VEGFC: variants seen among roughly 807,000 people sequenced by gnomAD.
VEGFC encodes vascular endothelial growth factor C, also known as FLT4 ligand DHM.
In VEGFC, 12 loss-of-function variants were observed where a neutral mutation model predicts 46.1. The observed-to-expected ratio is 0.26, with a 90% CI of 0.17 to 0.42. The LOEUF is 0.42. Among genes scored for constraint, VEGFC ranks in the 10% least tolerant of loss-of-function variants. The probability of loss-of-function intolerance (pLI) is 1.00; values close to 1 mark genes in which losing one functional copy is unlikely to be tolerated. For missense variants in VEGFC, 488 were observed against 529.4 expected, an observed-to-expected ratio of 0.92 and a Z score of 0.77; for synonymous variants, 232 against 195.5, an observed-to-expected ratio of 1.19 and a Z score of -1.56.
At chr4:176,727,989 C>A (rs750011101) in intron 2 of VEGFC, 21 bp from the exon 3 acceptor site, 6 of 1,556,136 alleles carry the variant, frequency 3.9e-6, no homozygotes, top group Non-Finnish European at 4.4e-6. Context: ...ATAGGGAAAT[C>A]AGTAAGTTTT....
At position 176,687,191 on chromosome 4, in the gene VEGFC, A is replaced by T; in HGVS notation, c.1141T>A (p.Cys381Ser). 6.2e-7 allele frequency: 1 copy of T among 1,609,950 alleles called. No individual in the cohort carries two copies. Among genetic ancestry groups the T allele is most frequent in the Non-Finnish European group, 8.5e-7 (1 of 1,178,438 alleles). The stretch of plus-strand genomic sequence containing the variant: ...TTCTTCATGAGGATCTCTTACCTGC[A>T]TGTTTGGTGGTGGAACTTCTTTCCT... ...LKGKKFHHQT[C>S]SCYRRPCTNR... is the part of the protein sequence containing the mutation. Residue 381 changes from cysteine to serine, a missense_variant, in exon 6 of 7, where the codon TGC becomes AGC. Coordinates refer to ENST00000618562, the MANE Select transcript of VEGFC (RefSeq NM_005429.5).
chr4:176,698,947 T>C (rs1214575062), intron 4 of VEGFC, among the ~76,000 whole-genome samples: 1 of 152,202 alleles, frequency 6.6e-6, no homozygotes, highest in Non-Finnish European at 1.5e-5. Context: ...TTAAACTACT[T>C]ATTGATTTAC....
At chr4:176,685,490 CAG>C (rs1057012725) in intron 6 of VEGFC, among the ~76,000 whole-genome samples, 12 of 152,102 alleles carry the variant, frequency 7.9e-5, no homozygotes, top group East Asian at 3.9e-4. Flanking sequence ...TTGCAGTAAA[CAG>C]AGTCTTTTTG....
intron 1 of VEGFC, among the ~76,000 whole-genome samples, chr4:176,755,890 C>T (rs1028951749): frequency 6.6e-6 from 1 of 152,062 alleles, no homozygotes; most frequent in African/African-American, 2.4e-5. Context: ...TACTGTAATG[C>T]ATTGTCAACG....
chr4:176,791,320 C>T (rs903789595), intron 1 of VEGFC, among the ~76,000 whole-genome samples: 1 of 151,974 alleles, frequency 6.6e-6, no homozygotes, highest in African/African-American at 2.4e-5. Flanking sequence ...CAGGTATGAA[C>T]TTTTTAGATA....
At chr4:176,724,771 C>T (rs898410885) in intron 3 of VEGFC, among the ~76,000 whole-genome samples, 12 of 152,102 alleles carry the variant, frequency 7.9e-5, no homozygotes, top group African/African-American at 2.9e-4. Flanking sequence ...TTAGATGATG[C>T]TGAACAGGGG....
intron 4 of VEGFC, among the ~76,000 whole-genome samples, chr4:176,707,570 A>G (rs138645488): frequency 6.6e-6 from 1 of 152,306 alleles, no homozygotes; most frequent in African/African-American, 2.4e-5. Flanking sequence ...TCATAAAGGG[A>G]GTAAAATCAT....
At chr4:176,766,464 G>A (rs1735623752) in intron 1 of VEGFC, among the ~76,000 whole-genome samples, 1 of 152,068 alleles carries the variant, frequency 6.6e-6, no homozygotes, top group African/African-American at 2.4e-5. Flanking sequence ...GTGAGTACCT[G>A]TAGTCCCAGG....
intron 1 of VEGFC, among the ~76,000 whole-genome samples, chr4:176,772,036 A>C (rs2110928744): frequency 6.6e-6 from 1 of 152,328 alleles, no homozygotes; most frequent in Non-Finnish European, 1.5e-5. Context: ...TGGCTGCAGA[A>C]AGCCCTATTA....
intron 3 of VEGFC, among the ~76,000 whole-genome samples, chr4:176,717,982 C>T (rs73007565): frequency 0.019 from 2,889 of 152,146 alleles, 87 homozygotes; most frequent in African/African-American, 0.065. Context: ...TTAATTTTAA[C>T]ATATTGTTAT....
intron 3 of VEGFC, among the ~76,000 whole-genome samples, chr4:176,725,370 C>A (rs905774002): frequency 6.6e-6 from 1 of 152,104 alleles, no homozygotes; most frequent in South Asian, 2.1e-4. Context: ...GTGGTGCAAT[C>A]CTAGCACACT....
At chr4:176,704,784 C>T (rs1734496942) in intron 4 of VEGFC, among the ~76,000 whole-genome samples, 1 of 152,160 alleles carries the variant, frequency 6.6e-6, no homozygotes, top group South Asian at 2.1e-4. Context: ...AACAGCCCAT[C>T]CTTGGCTGGG....
At chr4:176,744,385 CA>C (rs1221670682) in intron 1 of VEGFC, among the ~76,000 whole-genome samples, 1 of 151,958 alleles carries the variant, frequency 6.6e-6, no homozygotes, top group Non-Finnish European at 1.5e-5. Context: ...TAGAAATGCT[CA>C]AGTGTCCAGG....
chr4:176,778,007 G>A (rs1735844164), intron 1 of VEGFC, among the ~76,000 whole-genome samples: 1 of 145,502 alleles, frequency 6.9e-6, no homozygotes, highest in African/African-American at 2.5e-5. Context: ...CTAAATATAT[G>A]GTTCTTCAGC....
chr4:176,754,785 G>C (rs981557926), intron 1 of VEGFC, among the ~76,000 whole-genome samples: 26 of 151,974 alleles, frequency 1.7e-4, no homozygotes, highest in African/African-American at 6.3e-4. Context: ...AGGTAGATTT[G>C]AGTTATCAAA....
chr4:176,691,981 A>G (rs907393242), intron 4 of VEGFC, among the ~76,000 whole-genome samples: 2 of 152,156 alleles, frequency 1.3e-5, no homozygotes, highest in Non-Finnish European at 1.5e-5. Context: ...GCATTGCCTC[A>G]CTTGGGAAGC....
At chr4:176,725,836 A>C (rs1404384774) in intron 3 of VEGFC, among the ~76,000 whole-genome samples, 1 of 152,134 alleles carries the variant, frequency 6.6e-6, no homozygotes, top group Non-Finnish European at 1.5e-5. Context: ...TTGAAGATAA[A>C]AACAACATTT....
At chr4:176,744,310 A>G (rs1735224503) in intron 1 of VEGFC, among the ~76,000 whole-genome samples, 1 of 152,064 alleles carries the variant, frequency 6.6e-6, no homozygotes, top group African/African-American at 2.4e-5. Flanking sequence ...CAGAGTGCTC[A>G]GAACATCTAG....
At chr4:176,704,690 C>T (rs886306458) in intron 4 of VEGFC, among the ~76,000 whole-genome samples, 1 of 152,154 alleles carries the variant, frequency 6.6e-6, no homozygotes, top group Admixed American at 6.5e-5. Flanking sequence ...TCCCTTGCCA[C>T]CAAGCTGTTC....
Sources: gnomAD v4.1 joint callset for allele counts (sites outside exome capture counted in the v4.1 genomes callset) on GRCh38, gnomAD v4.1.1 for gene constraint, MANE v1.5 for transcripts, NCBI Gene and HGNC (gene_info 2026-07-23, HGNC 2026-07-21) for gene names.